Variants in CADPS2 observed in about 807,000 individuals in gnomAD.
CADPS2 encodes calcium dependent secretion activator 2.
Under a neutral mutation model 172.5 loss-of-function variants are expected in CADPS2, and 93 were observed. That is an observed-to-expected ratio of 0.54 (90% CI 0.46 to 0.64). The LOEUF (loss-of-function observed/expected upper bound fraction) is 0.64. Among genes scored for constraint, CADPS2 ranks in the 30% least tolerant of loss-of-function variants. CADPS2 has a pLI of 0.00. For missense variants in CADPS2, 1,420 were observed against 1,565.9 expected, an observed-to-expected ratio of 0.91 and a Z score of 1.57; for synonymous variants, 546 against 555.2, an observed-to-expected ratio of 0.98 and a Z score of 0.23.
chr7:122,519,667 C>G (rs1470161944), intron 8 of CADPS2, among the ~76,000 whole-genome samples: 1 of 151,798 alleles, frequency 6.6e-6, no homozygotes, highest in Non-Finnish European at 1.5e-5. Context: ...CAGTTTCATT[C>G]ATCTATGACT....
chr7:122,325,219 T>A (rs908443826), intron 29 of CADPS2, among the ~76,000 whole-genome samples: 1 of 152,146 alleles, frequency 6.6e-6, no homozygotes, highest in African/African-American at 2.4e-5. Context: ...CCTACTTCCT[T>A]CAGGTAACTG....
rs144145115 is a variant in CADPS2 at position 122,543,996 on chromosome 7, C to G, written c.1475+10554G>C. Among the ~76,000 whole-genome samples the G allele has an allele frequency of 3.0e-4, 45 of 152,090 alleles. No individual in the cohort carries two copies. The East Asian group carries it at 8.3e-3, about 28-fold the overall frequency. On this transcript the variant is annotated intron_variant, in intron 8 of 29. Coordinates refer to ENST00000449022, the MANE Select transcript of CADPS2 (RefSeq NM_017954.11). Reference sequence around the variant, plus strand: ...AAGAAATGTATACTGGTAGAACTATCTAGTAAAACTTGAAAAAGTTTTGTA... The same window carrying G: ...AAGAAATGTATACTGGTAGAACTATGTAGTAAAACTTGAAAAAGTTTTGTA...
chr7:122,616,272 G>A (rs2074907325), intron 5 of CADPS2, among the ~76,000 whole-genome samples: 1 of 151,994 alleles, frequency 6.6e-6, no homozygotes, highest in South Asian at 2.1e-4. Context: ...TAAAACTCAT[G>A]TTATGCAGCG....
chr7:122,477,078 G>GAT (rs2056779441), intron 12 of CADPS2, among the ~76,000 whole-genome samples: 1 of 150,058 alleles, frequency 6.7e-6, no homozygotes, highest in African/African-American at 2.5e-5. Flanking sequence ...GAGAGAGAGA[G>GAT]AGAGGGAGAG....
intron 6 of CADPS2, among the ~76,000 whole-genome samples, chr7:122,610,897 C>G (rs910999879): frequency 6.6e-6 from 1 of 152,092 alleles, no homozygotes; most frequent in Non-Finnish European, 1.5e-5. Flanking sequence ...TCAATTCTCT[C>G]GGCCACTGGA....
At chr7:122,672,925 G>A (rs1306678634) in intron 2 of CADPS2, among the ~76,000 whole-genome samples, 4 of 152,214 alleles carry the variant, frequency 2.6e-5, no homozygotes, top group Non-Finnish European at 5.9e-5. Flanking sequence ...AAGATGGTGT[G>A]TCCAGAGTTT....
At chr7:122,336,639 T>G (rs1378816331) in intron 28 of CADPS2, among the ~76,000 whole-genome samples, 1 of 152,240 alleles carries the variant, frequency 6.6e-6, no homozygotes, top group Non-Finnish European at 1.5e-5. Context: ...GTAGAGAGAA[T>G]ATTCTAATTT....
chr7:122,528,549 A>G (rs2061475626), intron 8 of CADPS2, among the ~76,000 whole-genome samples: 1 of 152,152 alleles, frequency 6.6e-6, no homozygotes, highest in Admixed American at 6.6e-5. Context: ...AAGTAAAGCC[A>G]GTAGTCATAA....
intron 2 of CADPS2, among the ~76,000 whole-genome samples, chr7:122,668,872 T>C (rs1466293771): frequency 6.6e-6 from 1 of 152,212 alleles, no homozygotes; most frequent in Non-Finnish European, 1.5e-5. Context: ...TGCCTTACTC[T>C]TTCATTTTGC....
chr7:122,396,329 C>T (rs1394286880), intron 20 of CADPS2, among the ~76,000 whole-genome samples: 2 of 152,176 alleles, frequency 1.3e-5, no homozygotes, highest in East Asian at 1.9e-4. Context: ...GTGCTCTCTT[C>T]ATCACCACTG....
At chr7:122,589,589 A>G (rs1313596724) in intron 6 of CADPS2, among the ~76,000 whole-genome samples, 1 of 151,956 alleles carries the variant, frequency 6.6e-6, no homozygotes, top group Non-Finnish European at 1.5e-5. Flanking sequence ...AATGACGAAG[A>G]TAAGTAAGTT....
At chr7:122,698,738 C>A (rs1588511531) in intron 2 of CADPS2, 1 of 1,613,786 alleles carries the variant, frequency 6.2e-7, no homozygotes, top group South Asian at 1.1e-5. Flanking sequence ...CTTCCAAAGA[C>A]TCCAGTCTCT....
intron 3 of CADPS2, among the ~76,000 whole-genome samples, chr7:122,660,504 G>C (rs1053322572): frequency 1.3e-5 from 2 of 151,626 alleles, no homozygotes; most frequent in African/African-American, 4.8e-5. Flanking sequence ...AGTGGTAAAA[G>C]CTACAAAGAT....
In CADPS2 at chr7:122,388,713, G is replaced by C. The variant is rs753398915; in HGVS notation, c.3034C>G (p.Leu1012Val). 2 of 1,607,708 alleles carry C rather than the reference G, an allele frequency of 1.2e-6. No homozygotes were observed. Among genetic ancestry groups the C allele is most frequent in the Non-Finnish European group, 1.7e-6 (2 of 1,176,116 alleles). ...STNGSATSEDLFWKLDALQMF... is the reference protein window; with the variant it reads ...STNGSATSEDVFWKLDALQMF... ...TGCAGTGCATCAAGCTTCCAAAAAA[G>C]GTCTTCTGATGTTGCTGAGCCATTG... Residue 1012 changes from leucine to valine, a missense_variant, in exon 23 of 30, where the codon CTT becomes GTT. Physicochemically the swap from Leu to Val is conservative, Grantham distance 32. Transcript: ENST00000449022.
intron 22 of CADPS2, among the ~76,000 whole-genome samples, chr7:122,392,690 G>T (rs189284473): frequency 6.6e-6 from 1 of 152,068 alleles, no homozygotes. Flanking sequence ...AGAACTTCCT[G>T]GTTTTGGCAA....
intron 1 of CADPS2, among the ~76,000 whole-genome samples, chr7:122,748,094 T>C (rs998531993): frequency 5.3e-5 from 8 of 152,122 alleles, no homozygotes; most frequent in African/African-American, 1.7e-4. Flanking sequence ...TCATCTACAG[T>C]AGAAGAAAAT....
Position 122,738,625 on chromosome 7 carries a change from A to C in CADPS2, c.340-1557T>G, listed in dbSNP as rs1448331563. Among the ~76,000 whole-genome samples, 36 of 152,164 alleles carry C rather than the reference A, an allele frequency of 2.4e-4. 1 individual carries two copies. The highest frequency in any genetic ancestry group is 2.4e-3 in the Admixed American group (36 of 15,272). On this transcript the variant is annotated intron_variant, in intron 1 of 29. Transcript: ENST00000449022. ...AAATGATTAAAGGATTAGGAAGACTAAACAAACTGGTATGACTTGGCTCAA... is the reference window on the plus strand; with the variant it reads ...AAATGATTAAAGGATTAGGAAGACTCAACAAACTGGTATGACTTGGCTCAA...
intron 7 of CADPS2, among the ~76,000 whole-genome samples, chr7:122,561,646 TTG>T (rs1377499692): frequency 1.3e-5 from 2 of 152,128 alleles, no homozygotes; most frequent in African/African-American, 4.8e-5. Flanking sequence ...GGTAATTCAT[TTG>T]TACCACATAG....
chr7:122,642,075 T>C (rs886721524), intron 3 of CADPS2, among the ~76,000 whole-genome samples: 2 of 151,220 alleles, frequency 1.3e-5, no homozygotes, highest in Non-Finnish European at 1.5e-5. Context: ...AGGTCAGGAG[T>C]TCGAGACCAG....
Sources: gnomAD v4.1 joint callset for allele counts (sites outside exome capture counted in the v4.1 genomes callset) on GRCh38, gnomAD v4.1.1 for gene constraint, MANE v1.5 for transcripts, NCBI Gene and HGNC (gene_info 2026-07-23, HGNC 2026-07-21) for gene names.